The following MGAT5 variants were observed in gnomAD, a reference collection of about 807,000 sequenced individuals.
MGAT5 encodes alpha-1,6-mannosylglycoprotein 6-beta-N-acetylglucosaminyltransferase A.
MGAT5 carries 30 observed loss-of-function variants against 94.3 expected under a neutral mutation model. That is an observed-to-expected ratio of 0.32 (90% confidence interval 0.24 to 0.43). MGAT5 has a LOEUF of 0.43. Ranked by LOEUF, MGAT5 falls within the 20% of genes least tolerant of loss-of-function variation. The probability of loss-of-function intolerance (pLI) is 1.00; values close to 1 mark genes in which losing one functional copy is unlikely to be tolerated. For synonymous variants in MGAT5, 310 were observed against 322.9 expected (o/e 0.96, Z 0.43); for missense variants, 691 against 905.5 (o/e 0.76, Z 3.04).
intron 1 of MGAT5, among the ~76,000 whole-genome samples, chr2:134,241,446 C>T (rs1032012363): frequency 6.6e-6 from 1 of 152,180 alleles, no homozygotes; most frequent in African/African-American, 2.4e-5. Flanking sequence ...GTAGATTGCT[C>T]TCTGTTTTGA....
intron 2 of MGAT5, among the ~76,000 whole-genome samples, chr2:134,309,492 T>C (rs954789708): frequency 1.3e-5 from 2 of 152,224 alleles, no homozygotes; most frequent in Admixed American, 1.3e-4. Context: ...TGAATTTTTA[T>C]TATAACTATT....
chr2:134,414,160 G>T (rs78017966), intron 12 of MGAT5, among the ~76,000 whole-genome samples: 7 of 110,630 alleles, frequency 6.3e-5, no homozygotes, highest in South Asian at 6.6e-4. Context: ...TGTGTGTGTG[G>T]TTTTTTTTTT....
intron 1 of MGAT5, among the ~76,000 whole-genome samples, chr2:134,264,209 AC>A (rs1683541113): frequency 6.6e-6 from 1 of 151,778 alleles, no homozygotes; most frequent in Non-Finnish European, 1.5e-5. Flanking sequence ...TTTAGTAGAG[AC>A]GGGGTTTCTC....
Position 134,313,510 on chromosome 2 carries a change from A to C in MGAT5, c.407-4019A>C, listed in dbSNP as rs910800239. Among the ~76,000 whole-genome samples the C allele has an allele frequency of 5.9e-5, 9 of 152,142 alleles. No individual in the cohort carries two copies. The East Asian group carries it at 1.7e-3, about 29-fold the overall frequency. On this transcript the variant is annotated intron_variant, in intron 2 of 15. Transcript: ENST00000281923. ...TGAAGTTTTGGGGGAAAGATGTTGC[A>C]ACCTGGGCTGGTGTAAGGGTAACGG...
intron 10 of MGAT5, among the ~76,000 whole-genome samples, chr2:134,372,624 C>A (rs1047961600): frequency 6.6e-6 from 1 of 152,146 alleles, no homozygotes; most frequent in Non-Finnish European, 1.5e-5. Flanking sequence ...TAGAGCAGGC[C>A]ACTCATGGTA....
At chr2:134,144,589 C>G (rs1041585316) in intron 1 of MGAT5, among the ~76,000 whole-genome samples, 15 of 152,146 alleles carry the variant, frequency 9.9e-5, no homozygotes, top group Admixed American at 2.0e-4. Flanking sequence ...ACATTTGGTG[C>G]TCAGTATAAT....
chr2:134,293,578 C>T (rs111721072), intron 2 of MGAT5, among the ~76,000 whole-genome samples: 3,217 of 152,220 alleles, frequency 0.021, 126 homozygotes, highest in African/African-American at 0.073. Flanking sequence ...AAGTGATCCT[C>T]CCACCTCAGC....
At chr2:134,307,669 G>A (rs769128081) in intron 2 of MGAT5, among the ~76,000 whole-genome samples, 9 of 151,950 alleles carry the variant, frequency 5.9e-5, no homozygotes, top group Non-Finnish European at 1.2e-4. Flanking sequence ...AAATTGTCCC[G>A]CTCTGCTCTC....
At chr2:134,338,238 T>C in intron 5 of MGAT5, 21 bp from the exon 6 acceptor site, 1 of 1,561,996 alleles carries the variant, frequency 6.4e-7, no homozygotes, top group Non-Finnish European at 8.7e-7. Context: ...TCTATTCATT[T>C]TATTAAATTT....
intron 10 of MGAT5, among the ~76,000 whole-genome samples, chr2:134,387,332 A>ATATATATATATATATATATATTTTTTTT: frequency 8.2e-5 from 2 of 24,264 alleles, no homozygotes; most frequent in African/African-American, 4.0e-4. Flanking sequence ...ATATATATAT[A>ATATATATATATATATATATATTTTTTTT]TTTTTTTTTT....
chr2:134,250,800 T>C (rs1268983538), upstream of MGAT5, among the ~76,000 whole-genome samples: 1 of 152,212 alleles, frequency 6.6e-6, no homozygotes, highest in Non-Finnish European at 1.5e-5. Context: ...CAAATTTGCA[T>C]GTCTCTGAAC....
At chr2:134,188,232 A>G (rs890211804) in intron 1 of MGAT5, among the ~76,000 whole-genome samples, 3 of 152,246 alleles carry the variant, frequency 2.0e-5, no homozygotes, top group Non-Finnish European at 4.4e-5. Flanking sequence ...GGAGAATGGG[A>G]GCAAGTGAGG....
chr2:134,121,553 G>A (rs772634960), intron 1 of MGAT5, among the ~76,000 whole-genome samples: 3 of 152,198 alleles, frequency 2.0e-5, no homozygotes, highest in Non-Finnish European at 4.4e-5. Context: ...ATAGGGCCCG[G>A]CCCTCCTGGG....
At chr2:134,330,550 G>A (rs961670937) in intron 4 of MGAT5, among the ~76,000 whole-genome samples, 11 of 81,470 alleles carry the variant, frequency 1.4e-4, no homozygotes, top group African/African-American at 9.3e-4. Context: ...GAATTAAATT[G>A]TGTAGTGTGT....
chr2:134,183,767 C>T (rs890005425), intron 1 of MGAT5, among the ~76,000 whole-genome samples: 4 of 152,150 alleles, frequency 2.6e-5, no homozygotes, highest in Admixed American at 2.6e-4. Flanking sequence ...TATTCTCCTT[C>T]TTGGATCTGT....
chr2:134,234,469 T>TG (rs1681530311), intron 1 of MGAT5, among the ~76,000 whole-genome samples: 1 of 152,230 alleles, frequency 6.6e-6, no homozygotes, highest in Admixed American at 6.5e-5. Flanking sequence ...TATAAGACTA[T>TG]GGGGGTCCAT....
intron 1 of MGAT5, among the ~76,000 whole-genome samples, chr2:134,205,055 G>T (rs1030381800): frequency 6.6e-6 from 1 of 152,200 alleles, no homozygotes; most frequent in Non-Finnish European, 1.5e-5. Context: ...CATGGGTCAG[G>T]AACAAGCTTC....
At chr2:134,323,651 G>T (rs752067533) in intron 4 of MGAT5, among the ~76,000 whole-genome samples, 32 of 152,088 alleles carry the variant, frequency 2.1e-4, no homozygotes, top group Non-Finnish European at 4.3e-4. Context: ...GCATTCAGTT[G>T]TATGGTTAAA....
chr2:134,243,720 C>G (rs902991702), intron 1 of MGAT5, among the ~76,000 whole-genome samples: 1 of 152,222 alleles, frequency 6.6e-6, no homozygotes, highest in African/African-American at 2.4e-5. Context: ...TATTTCTTCA[C>G]TGCTTAGCTA....
Sources: allele counts gnomAD v4.1 joint callset (sites outside exome capture counted in the v4.1 genomes callset), GRCh38; gene constraint gnomAD v4.1.1; transcripts MANE v1.5; gene names NCBI Gene and HGNC (gene_info 2026-07-23, HGNC 2026-07-21).